Variants in FGF14 observed in about 807,000 individuals in gnomAD.
FGF14 encodes the protein fibroblast growth factor 14.
In FGF14, 5 loss-of-function variants were observed where a neutral mutation model predicts 25.5. That is an observed-to-expected ratio of 0.20 (90% CI 0.10 to 0.41). FGF14 has a LOEUF of 0.41. Ranked by LOEUF, FGF14 falls within the 10% of genes least tolerant of loss-of-function variation. FGF14 has a pLI of 1.00. For missense variants in FGF14, 222 were observed against 320.1 expected (o/e 0.69, Z 2.34); for synonymous variants, 138 against 118.3 (o/e 1.17, Z -1.08).
chr13:101,898,192 G>A (rs1216728584), intron 1 of FGF14, among the ~76,000 whole-genome samples: 1 of 152,196 alleles, frequency 6.6e-6, no homozygotes, highest in East Asian at 1.9e-4. Context: ...ATGGCACCTT[G>A]AGTTTTCTAT....
intron 1 of FGF14, among the ~76,000 whole-genome samples, chr13:102,066,533 T>C (rs991493591): frequency 6.6e-6 from 1 of 152,214 alleles, no homozygotes; most frequent in African/African-American, 2.4e-5. Context: ...TTTAAATTCA[T>C]GTTTATAAAG....
chr13:101,786,764 A>G (rs1020640775), intron 3 of FGF14, among the ~76,000 whole-genome samples: 1 of 152,162 alleles, frequency 6.6e-6, no homozygotes, highest in Non-Finnish European at 1.5e-5. Flanking sequence ...GCAGAATTCA[A>G]CCCATAAAGC....
intron 1 of FGF14, among the ~76,000 whole-genome samples, chr13:102,174,646 A>G (rs2048372675): frequency 6.6e-6 from 1 of 152,206 alleles, no homozygotes; most frequent in South Asian, 2.1e-4. Flanking sequence ...AATGGAGATC[A>G]TAATTCTAAG....
chr13:102,093,196 A>G (rs1459704746), intron 1 of FGF14, among the ~76,000 whole-genome samples: 1 of 128,924 alleles, frequency 7.8e-6, no homozygotes, highest in Non-Finnish European at 1.9e-5. Flanking sequence ...AAATATATTA[A>G]AAAAAATTCT....
chr13:101,916,625 G>A lies in FGF14; in HGVS notation c.21C>T (p.Ser7=), dbSNP rs1320982726. 3.8e-6 allele frequency: 6 copies of A among 1,580,138 alleles called. No individual in the cohort carries two copies. Among genetic ancestry groups the A allele is most frequent in the Non-Finnish European group, 5.2e-6 (6 of 1,160,306 alleles). The change falls in exon 1 of 5, where the codon AGC becomes AGT. Residue 7 remains serine (S), a synonymous_variant. Transcript: ENST00000376143. MAAAIA[S]GLIRQKRQAR... ...CCTGCCGCTTCTGGCGGATCAAGCCGCTAGCGATGGCCGCGGCCATGGTGG... is the reference window on the plus strand; with the variant it reads ...CCTGCCGCTTCTGGCGGATCAAGCCACTAGCGATGGCCGCGGCCATGGTGG...
At chr13:101,927,701 C>T (rs754853045) in intron 1 of FGF14, among the ~76,000 whole-genome samples, 22 of 152,126 alleles carry the variant, frequency 1.4e-4, no homozygotes, top group African/African-American at 3.9e-4. Flanking sequence ...ATTCTACCCT[C>T]GGTGAGTCAA....
chr13:102,237,585 GAA>G (rs3066871), intron 1 of FGF14, among the ~76,000 whole-genome samples: 2 of 135,598 alleles, frequency 1.5e-5, no homozygotes, highest in African/African-American at 2.7e-5. Flanking sequence ...TTACACTTCA[GAA>G]AAAAAAAAAA....
At chr13:102,298,136 G>A (rs1393689228) in intron 1 of FGF14, among the ~76,000 whole-genome samples, 2 of 151,640 alleles carry the variant, frequency 1.3e-5, no homozygotes, top group African/African-American at 2.4e-5. Flanking sequence ...ATTTATTTAA[G>A]TACATGTGTT....
intron 1 of FGF14, among the ~76,000 whole-genome samples, chr13:102,180,832 A>C: frequency 6.6e-6 from 1 of 152,182 alleles, no homozygotes; most frequent in East Asian, 1.9e-4. Context: ...GATATAGATC[A>C]TGAGTCCTAA....
chr13:101,958,924 T>G (rs980036721), intron 1 of FGF14, among the ~76,000 whole-genome samples: 1 of 152,170 alleles, frequency 6.6e-6, no homozygotes, highest in Non-Finnish European at 1.5e-5. Context: ...ATGTAGTCAC[T>G]CCTCCCTATG....
At chr13:101,776,620 C>A (rs1489449487) in intron 3 of FGF14, among the ~76,000 whole-genome samples, 1 of 152,176 alleles carries the variant, frequency 6.6e-6, no homozygotes, top group Non-Finnish European at 1.5e-5. Context: ...AAGAAAATCC[C>A]AGCTGCAGAA....
chr13:102,264,746 G>C (rs1333891564), intron 1 of FGF14, among the ~76,000 whole-genome samples: 1 of 152,128 alleles, frequency 6.6e-6, no homozygotes, highest in Non-Finnish European at 1.5e-5. Flanking sequence ...AGTCAGAGAA[G>C]TTTCCCTCAG....
At chr13:102,288,257 A>G (rs2054204252) in intron 1 of FGF14, among the ~76,000 whole-genome samples, 1 of 152,226 alleles carries the variant, frequency 6.6e-6, no homozygotes, top group East Asian at 1.9e-4. Context: ...CACAACTAAC[A>G]AATAATGTGA....
chr13:102,087,049 G>A (rs1257703832), intron 1 of FGF14, among the ~76,000 whole-genome samples: 5 of 152,172 alleles, frequency 3.3e-5, no homozygotes, highest in Non-Finnish European at 7.3e-5. Context: ...CCAGTCATTA[G>A]GACGTAAATT....
chr13:102,105,707 C>G (rs1016324243), intron 1 of FGF14, among the ~76,000 whole-genome samples: 8 of 152,082 alleles, frequency 5.3e-5, no homozygotes, highest in African/African-American at 1.9e-4. Flanking sequence ...GTAATATAGT[C>G]AGTGATTCAG....
At chr13:102,090,050 T>A (rs548778602) in intron 1 of FGF14, among the ~76,000 whole-genome samples, 1 of 152,346 alleles carries the variant, frequency 6.6e-6, no homozygotes, top group East Asian at 1.9e-4. Context: ...GTTAGATGAT[T>A]AGCTTTATAT....
At chr13:102,157,837 C>A (rs930227910) in intron 1 of FGF14, among the ~76,000 whole-genome samples, 1 of 152,038 alleles carries the variant, frequency 6.6e-6, no homozygotes, top group African/African-American at 2.4e-5. Context: ...AAAGAACAAA[C>A]AACCCCATCA....
At chr13:102,206,463 T>TGGAGGTCA (rs1412024760) in intron 1 of FGF14, among the ~76,000 whole-genome samples, 6 of 152,004 alleles carry the variant, frequency 3.9e-5, no homozygotes. Context: ...GGCAGATCAC[T>TGGAGGTCA]GGAGGTCAGG....
intron 1 of FGF14, among the ~76,000 whole-genome samples, chr13:102,169,351 A>G (rs1353867856): frequency 6.6e-6 from 1 of 152,024 alleles, no homozygotes; most frequent in Non-Finnish European, 1.5e-5. Context: ...GTGGTTCCCT[A>G]GACACCTGTA....
Sources: allele counts gnomAD v4.1 joint callset (sites outside exome capture counted in the v4.1 genomes callset), GRCh38; gene constraint gnomAD v4.1.1; transcripts MANE v1.5; gene names NCBI Gene and HGNC (gene_info 2026-07-23, HGNC 2026-07-21).